KIF6: variants seen among roughly 807,000 people sequenced by gnomAD.
KIF6 encodes kinesin family member 6.
KIF6 carries 106 observed loss-of-function variants against 112.7 expected under a neutral mutation model. That is an observed-to-expected ratio of 0.94 (90% confidence interval 0.80 to 1.11). KIF6 has a LOEUF of 1.11. Among genes scored for constraint, KIF6 ranks in the 50% least tolerant of loss-of-function variants. KIF6 has a pLI of 0.00. For missense variants in KIF6, 929 were observed against 964.0 expected (o/e 0.96, Z 0.48); for synonymous variants, 339 against 339.9 (o/e 1.00, Z 0.03).
chr6:39,544,722 C>T, intron 11 of KIF6, 29 bp from the exon 12 acceptor site: 1 of 1,383,638 alleles, frequency 7.2e-7, no homozygotes, highest in Non-Finnish European at 9.9e-7. Context: ...GCTTAGTACC[C>T]ATATCTCTAG....
Position 39,343,358 on chromosome 6 carries a change from C to T in KIF6, c.2428+351G>A. ...GGTTCAACGAGTTACCAAAACATCA[C>T]TCAGCCCCTTCCTGTTTGTAGAAGC... On this transcript the variant is annotated intron_variant, in intron 22 of 22. Coordinates refer to ENST00000287152, the MANE Select transcript of KIF6 (RefSeq NM_145027.6). This position sits in a 1 kb window ranked among gnomAD's most constrained non-coding sequence, Gnocchi z 4.1. 2 of 1,310,388 alleles carry T rather than the reference C, an allele frequency of 1.5e-6. No individual in the cohort carries two copies. Among genetic ancestry groups the T allele is most frequent in the Non-Finnish European group, 2.0e-6 (2 of 1,002,762 alleles). 81.2% of individuals were successfully genotyped at this position (1,310,388 alleles called of 1,614,324 possible). A position where few individuals can be genotyped will look rare whatever the true frequency, so the allele number is the denominator to read the frequency against.
chr6:39,423,018 AT>A (rs1770487289), intron 14 of KIF6, among the ~76,000 whole-genome samples: 1 of 152,214 alleles, frequency 6.6e-6, no homozygotes, highest in African/African-American at 2.4e-5. Flanking sequence ...AGGACCACTG[AT>A]GAGCGCCCGA....
intron 4 of KIF6, among the ~76,000 whole-genome samples, chr6:39,636,074 A>G (rs1275217098): frequency 2.0e-5 from 3 of 151,982 alleles, no homozygotes; most frequent in Admixed American, 6.6e-5. Flanking sequence ...ATAGTGGCCC[A>G]TAAATAAAAA....
Position 39,584,351 on chromosome 6 carries a change from G to C in KIF6, c.1077+547C>G, listed in dbSNP as rs189375103. On this transcript the variant is annotated intron_variant, in intron 9 of 22. Transcript: ENST00000287152. ...AGGCAGGAGAATTGCTTGAGAGGCG[G>C]AGGTTGCAGTGAGCCAAGATTGCAC... 3.4e-4 allele frequency among the ~76,000 whole-genome samples: 49 copies of C among 142,468 alleles called. 1 individual carries two copies. Among genetic ancestry groups the C allele is most frequent in the Non-Finnish European group, 5.0e-4 (33 of 66,326 alleles). 93.5% of individuals were successfully genotyped at this position (142,468 alleles called of 152,430 possible). A position where few individuals can be genotyped will look rare whatever the true frequency, so the allele number is the denominator to read the frequency against.
intron 13 of KIF6, among the ~76,000 whole-genome samples, chr6:39,498,590 G>C (rs926070563): frequency 2.0e-5 from 3 of 152,126 alleles, no homozygotes; most frequent in Non-Finnish European, 2.9e-5. Flanking sequence ...TATTGTTGTA[G>C]TGTGAAAGCA....
intron 13 of KIF6, among the ~76,000 whole-genome samples, chr6:39,537,724 T>C (rs1171849278): frequency 6.6e-6 from 1 of 152,110 alleles, no homozygotes; most frequent in Non-Finnish European, 1.5e-5. Context: ...TACTTTAAAG[T>C]TCATACGGAA....
intron 13 of KIF6, among the ~76,000 whole-genome samples, chr6:39,513,710 A>C (rs957600176): frequency 6.6e-6 from 1 of 152,120 alleles, no homozygotes; most frequent in East Asian, 1.9e-4. Flanking sequence ...CTAGTGGTAC[A>C]ATTTCCACCC....
chr6:39,404,314 A>T (rs1768925525), intron 15 of KIF6, among the ~76,000 whole-genome samples: 1 of 152,120 alleles, frequency 6.6e-6, no homozygotes, highest in Admixed American at 6.6e-5. Flanking sequence ...TTCTACTTAG[A>T]TCTATGATCT....
chr6:39,531,086 T>G (rs1378929699), intron 13 of KIF6, among the ~76,000 whole-genome samples: 1 of 152,128 alleles, frequency 6.6e-6, no homozygotes, highest in Non-Finnish European at 1.5e-5. Context: ...TATCATTCCA[T>G]TTGTGAGCCT....
At chr6:39,461,413 C>T (rs905372156) in intron 13 of KIF6, among the ~76,000 whole-genome samples, 1 of 152,044 alleles carries the variant, frequency 6.6e-6, no homozygotes, top group African/African-American at 2.4e-5. Context: ...TCACTCTAGA[C>T]CAGCAGTGGC....
intron 13 of KIF6, among the ~76,000 whole-genome samples, chr6:39,536,474 A>G (rs890436725): frequency 2.6e-5 from 4 of 151,810 alleles, no homozygotes; most frequent in South Asian, 4.2e-4. Context: ...GAAGAAATGG[A>G]TAAATTCCTC....
intron 9 of KIF6, among the ~76,000 whole-genome samples, chr6:39,582,064 A>T (rs924121623): frequency 6.6e-6 from 1 of 152,218 alleles, no homozygotes; most frequent in Non-Finnish European, 1.5e-5. Flanking sequence ...TCATCAATCT[A>T]TACAGAATGA....
At chr6:39,671,386 A>G (rs1786808453) in intron 3 of KIF6, among the ~76,000 whole-genome samples, 1 of 152,182 alleles carries the variant, frequency 6.6e-6, no homozygotes, top group Non-Finnish European at 1.5e-5. Context: ...AGACTTCTCT[A>G]GACTCTAGTG....
chr6:39,446,637 G>A (rs1379153760), intron 13 of KIF6, among the ~76,000 whole-genome samples: 3 of 152,124 alleles, frequency 2.0e-5, no homozygotes, highest in East Asian at 1.9e-4. Flanking sequence ...GGGACTACAG[G>A]TGCCACCAGG....
chr6:39,437,656 C>CT (rs1562216463), intron 13 of KIF6, among the ~76,000 whole-genome samples: 1 of 152,204 alleles, frequency 6.6e-6, no homozygotes, highest in Non-Finnish European at 1.5e-5. Context: ...TGTCACCATG[C>CT]TTACTGGCCC....
chr6:39,723,444 A>T (rs566798810), intron 1 of KIF6, among the ~76,000 whole-genome samples: 1 of 152,212 alleles, frequency 6.6e-6, no homozygotes, highest in Non-Finnish European at 1.5e-5. Context: ...TCCTTAATTA[A>T]AATTACAGCT....
chr6:39,706,115 C>G (rs1312825483), intron 3 of KIF6, among the ~76,000 whole-genome samples: 1 of 152,176 alleles, frequency 6.6e-6, no homozygotes, highest in Non-Finnish European at 1.5e-5. Flanking sequence ...CTTGCATATA[C>G]AATATTCTGT....
chr6:39,343,684 G>A lies in KIF6; in HGVS notation c.2428+25C>T. On this transcript the variant is annotated intron_variant, in intron 22 of 22. Transcript: ENST00000287152. This position sits in a 1 kb window ranked among gnomAD's most constrained non-coding sequence, Gnocchi z 4.1. ...GTGTTGGTGACCTGCTGCCCAGGAG[G>A]AGCCACCGAGGGAGGTGCACTTACA... 1.3e-6 allele frequency: 2 copies of A among 1,548,340 alleles called. No homozygotes were observed. Among genetic ancestry groups the A allele is most frequent in the Non-Finnish European group, 1.8e-6 (2 of 1,133,206 alleles).
intron 5 of KIF6, among the ~76,000 whole-genome samples, chr6:39,627,878 C>G (rs974516400): frequency 2.7e-4 from 41 of 152,212 alleles, no homozygotes; most frequent in Admixed American, 4.6e-4. Context: ...AACTTAGATT[C>G]TAACTATAGT....
Sources: gnomAD v4.1 joint callset for allele counts (sites outside exome capture counted in the v4.1 genomes callset) on GRCh38, gnomAD v4.1.1 for gene constraint, Gnocchi (gnomAD v3.1) non-coding constraint, MANE v1.5 for transcripts, NCBI Gene and HGNC (gene_info 2026-07-23, HGNC 2026-07-21) for gene names.